The following DGKH variants were observed in gnomAD, a reference collection of about 807,000 sequenced individuals.
DGKH encodes the protein diacylglycerol kinase eta.
In DGKH, 90 loss-of-function variants were observed where a neutral mutation model predicts 159.3. The observed-to-expected ratio is 0.57, with a 90% CI of 0.48 to 0.67. The LOEUF (loss-of-function observed/expected upper bound fraction) is 0.67, where lower values mean the gene tolerates loss of function less well. DGKH is among the 30% of genes least tolerant of loss of function. The pLI is 0.00. For synonymous variants in DGKH, 536 were observed against 553.8 expected, an observed-to-expected ratio of 0.97 and a Z score of 0.45; for missense variants, 1,181 against 1,506.1, an observed-to-expected ratio of 0.78 and a Z score of 3.57.
chr13:42,062,526 C>G (rs1882260004), intron 1 of DGKH, among the ~76,000 whole-genome samples: 1 of 152,114 alleles, frequency 6.6e-6, no homozygotes, highest in Non-Finnish European at 1.5e-5. Context: ...AAAAAGCCCT[C>G]TAGATTTTAA....
chr13:42,222,819 TGTAC>T (rs1203687967), intron 29 of DGKH, among the ~76,000 whole-genome samples: 1 of 152,192 alleles, frequency 6.6e-6, no homozygotes, highest in Non-Finnish European at 1.5e-5. Context: ...TGCATATATG[TGTAC>T]GTGTTATATA....
chr13:42,085,618 G>T (rs1415364883), intron 1 of DGKH, among the ~76,000 whole-genome samples: 4 of 152,082 alleles, frequency 2.6e-5, no homozygotes, highest in Non-Finnish European at 5.9e-5. Flanking sequence ...GATTGTTTTT[G>T]GGGAAAAATG....
intron 1 of DGKH, among the ~76,000 whole-genome samples, chr13:42,094,058 A>G (rs1028219651): frequency 6.7e-6 from 1 of 148,724 alleles, no homozygotes; most frequent in Non-Finnish European, 1.5e-5. Context: ...AATGATGTCA[A>G]ATTGAACAAT....
At chr13:42,080,452 C>T (rs1323780480) in intron 1 of DGKH, among the ~76,000 whole-genome samples, 2 of 152,098 alleles carry the variant, frequency 1.3e-5, no homozygotes, top group Non-Finnish European at 2.9e-5. Context: ...TAAGCTCATA[C>T]CTAGGCCGTA....
chr13:42,227,638 C>T (rs947654577), intron 29 of DGKH, among the ~76,000 whole-genome samples: 2 of 152,098 alleles, frequency 1.3e-5, no homozygotes, highest in African/African-American at 4.8e-5. Context: ...TGCCTTAGGA[C>T]TAATTTTGGA....
At chr13:42,119,866 C>T (rs1226473232) in intron 1 of DGKH, among the ~76,000 whole-genome samples, 1 of 151,862 alleles carries the variant, frequency 6.6e-6, no homozygotes, top group Non-Finnish European at 1.5e-5. Context: ...ATTTTTATAC[C>T]TCTTATTTTT....
At chr13:42,206,970 T>C (rs1957489389) in intron 21 of DGKH, among the ~76,000 whole-genome samples, 1 of 139,302 alleles carries the variant, frequency 7.2e-6, no homozygotes. Flanking sequence ...TTTGGTACTT[T>C]TACTTTTTCT....
rs182670519 is a variant in DGKH at position 42,170,835 on chromosome 13, C to T, written c.1367+2017C>T. Among the ~76,000 whole-genome samples the T allele has an allele frequency of 5.5e-3, 832 of 151,352 alleles. 18 individuals carry two copies. In the East Asian group the frequency reaches 0.056, roughly 10 times the overall value. ...GTGGGTACCTGTAATCCCAGCTACT[C>T]GGGAGGCTGAGGCAGGAGAATCGCT... On this transcript the variant is annotated intron_variant, in intron 11 of 29. Coordinates refer to ENST00000337343, the MANE Select transcript of DGKH (RefSeq NM_178009.5).
intron 7 of DGKH, among the ~76,000 whole-genome samples, 191 bp downstream of exon 7, chr13:42,160,327 A>G (rs1299833964): frequency 1.3e-5 from 2 of 152,216 alleles, no homozygotes; most frequent in Non-Finnish European, 2.9e-5. Flanking sequence ...AATGCCCTGT[A>G]AAACTTATTC....
Position 42,198,528 on chromosome 13 carries a change from A to C in DGKH, c.2218A>C (p.Lys740Gln). The C allele has an allele frequency of 6.2e-7, 1 of 1,613,964 alleles. No homozygotes were observed. Reference protein sequence around the residue: ...ASIAGSSIINKMLLANIDPFG... With the variant: ...ASIAGSSIINQMLLANIDPFG... ...AATTGCTGGGAGTTCGATTATCAACAAAATGTTACTGGCAAACATTGATCC... is the reference window on the plus strand; with the variant it reads ...AATTGCTGGGAGTTCGATTATCAACCAAATGTTACTGGCAAACATTGATCC... The change falls in exon 18 of 30, where the codon AAA becomes CAA. Residue 740 changes from lysine to glutamine, a missense_variant. Physicochemically the swap from Lys to Gln is moderately conservative, Grantham distance 53. Around this residue, in one of 5 missense-constraint regions of DGKH, gnomAD observed 257 missense variants for 281.5 expected, o/e 0.91. Transcript: ENST00000337343.
intron 3 of DGKH, among the ~76,000 whole-genome samples, chr13:42,148,831 C>T (rs895220067): frequency 6.6e-6 from 1 of 152,060 alleles, no homozygotes; most frequent in East Asian, 1.9e-4. Flanking sequence ...CTCATGTGTC[C>T]CTTGGCTTAC....
intron 3 of DGKH, chr13:42,140,847 AG>A (rs1955529257): frequency 6.6e-6 from 1 of 152,068 alleles, no homozygotes; most frequent in Non-Finnish European, 1.5e-5. Flanking sequence ...GTCTCATGTA[AG>A]TATGTGGAAT....
At chr13:42,072,994 G>T (rs1883071137) in intron 1 of DGKH, among the ~76,000 whole-genome samples, 1 of 152,108 alleles carries the variant, frequency 6.6e-6, no homozygotes, top group Admixed American at 6.6e-5. Flanking sequence ...TGGGGGCAGG[G>T]ATATTTGTCT....
intron 1 of DGKH, among the ~76,000 whole-genome samples, chr13:42,109,743 T>G (rs1053118066): frequency 6.6e-6 from 1 of 152,162 alleles, no homozygotes; most frequent in East Asian, 1.9e-4. Context: ...TGACCATTTC[T>G]TGGTTCCATG....
At chr13:42,217,263 T>C (rs993117636) in intron 26 of DGKH, among the ~76,000 whole-genome samples, 1 of 151,258 alleles carries the variant, frequency 6.6e-6, no homozygotes, top group Non-Finnish European at 1.5e-5. Context: ...GAGAATCTCC[T>C]TTTTTTTTGA....
chr13:42,197,060 G>GCTA (rs1957217551), intron 17 of DGKH, among the ~76,000 whole-genome samples: 1 of 151,938 alleles, frequency 6.6e-6, no homozygotes, highest in African/African-American at 2.4e-5. Flanking sequence ...TTGAGACCTG[G>GCTA]CTAACATGGT....
chr13:42,229,299 A>G lies in DGKH; in HGVS notation c.*111A>G. On this transcript the variant is annotated 3_prime_UTR_variant, in exon 30 of 30. Coordinates refer to ENST00000337343, the MANE Select transcript of DGKH (RefSeq NM_178009.5). The stretch of plus-strand genomic sequence containing the variant: ...TGCATAGATAAGTAAGCACCACTGA[A>G]GCACCTCTGTGGCTTGATATTTTGC... 3.4e-6 allele frequency: 3 copies of G among 895,212 alleles called. No homozygotes were observed. Among genetic ancestry groups the G allele is most frequent in the Non-Finnish European group, 5.1e-6 (3 of 587,538 alleles). 55.5% of individuals were successfully genotyped at this position (895,212 alleles called of 1,614,324 possible). A position where few individuals can be genotyped will look rare whatever the true frequency, so the allele number is the denominator to read the frequency against.
chr13:42,067,547 C>T (rs924957555), intron 1 of DGKH, among the ~76,000 whole-genome samples: 4 of 152,104 alleles, frequency 2.6e-5, no homozygotes, highest in African/African-American at 9.7e-5. Flanking sequence ...CTAGAAAGAT[C>T]ATAAAGGCTT....
chr13:42,215,425 C>A, intron 25 of DGKH, 150 bp from the exon 26 acceptor site: 1 of 530,862 alleles, frequency 1.9e-6, no homozygotes, highest in Non-Finnish European at 3.3e-6. Flanking sequence ...GTCATACAAA[C>A]AAATGTATGA....
Sources: allele counts gnomAD v4.1 joint callset (sites outside exome capture counted in the v4.1 genomes callset), GRCh38; gene constraint gnomAD v4.1.1; regional missense constraint gnomAD v4.1.1; transcripts MANE v1.5; gene names NCBI Gene and HGNC (gene_info 2026-07-23, HGNC 2026-07-21).